SULF2: variants seen among roughly 807,000 people sequenced by gnomAD.
The protein encoded by SULF2 is sulfatase 2, also known as extracellular sulfatase Sulf-2.
Under a neutral mutation model 107.7 loss-of-function variants are expected in SULF2, and 52 were observed. The observed-to-expected ratio is 0.48, with a 90% CI of 0.39 to 0.61. SULF2 has a LOEUF of 0.61. Ranked by LOEUF, SULF2 falls within the 20% of genes least tolerant of loss-of-function variation. The pLI is 0.00. For missense variants in SULF2, 993 were observed against 1,177.3 expected (o/e 0.84, Z 2.29); for synonymous variants, 460 against 464.3 (o/e 0.99, Z 0.12).
chr20:47,731,195 T>TTTTTTTTTTTTATTTTTTA (rs1568871883), intron 3 of SULF2, among the ~76,000 whole-genome samples: 1 of 103,172 alleles, frequency 9.7e-6, no homozygotes, highest in African/African-American at 3.7e-5. Flanking sequence ...CTCTTTTTTT[T>TTTTTTTTTTTTATTTTTTA]TTTTTTTTTT....
intron 9 of SULF2, 179 bp from the exon 10 acceptor site, chr20:47,676,802 A>C: frequency 1.4e-6 from 1 of 738,374 alleles, no homozygotes; most frequent in Non-Finnish European, 2.2e-6. Flanking sequence ...TTGGAATTTT[A>C]TAAGAAACTT....
chr20:47,716,971 C>CTGCA (rs1410322134), intron 3 of SULF2, among the ~76,000 whole-genome samples: 54 of 152,264 alleles, frequency 3.5e-4, no homozygotes, highest in African/African-American at 1.3e-3. Context: ...GATTGTGCCA[C>CTGCA]TGCACTTCAG....
chr20:47,742,588 T>C (rs537443705), intron 2 of SULF2, among the ~76,000 whole-genome samples: 2 of 152,280 alleles, frequency 1.3e-5, no homozygotes, highest in African/African-American at 4.8e-5. Flanking sequence ...TGCCTCCCCA[T>C]TCACGGTGGC....
intron 1 of SULF2, among the ~76,000 whole-genome samples, chr20:47,770,032 C>T (rs1008146849): frequency 3.9e-5 from 5 of 129,042 alleles, no homozygotes; most frequent in East Asian, 2.4e-4. Flanking sequence ...TTCTAGCTTG[C>T]GGGTGATGTG....
intron 2 of SULF2, among the ~76,000 whole-genome samples, chr20:47,747,642 A>G (rs2090073174): frequency 6.6e-6 from 1 of 152,030 alleles, no homozygotes; most frequent in Non-Finnish European, 1.5e-5. Context: ...TGTTTTCCCC[A>G]CTTTTCAGAA....
intron 1 of SULF2, among the ~76,000 whole-genome samples, chr20:47,783,273 G>T (rs1029853770): frequency 1.2e-4 from 19 of 152,166 alleles, no homozygotes; most frequent in African/African-American, 4.1e-4. Context: ...AGGGCTTCTG[G>T]ACTCCTTCTG....
At position 47,684,447 on chromosome 20, in the gene SULF2, TCCA is replaced by T; in HGVS notation, c.869_871del (p.Val290del). The T allele has an allele frequency of 6.2e-7, 1 of 1,611,856 alleles. No individual in the cohort carries two copies. Among genetic ancestry groups the T allele is most frequent in the Non-Finnish European group, 8.5e-7 (1 of 1,179,042 alleles). The stretch of plus-strand genomic sequence containing the variant: ...GGCGCCTACCGTCTCCATGGAGTCG[TCCA>T]CCGACATGAGGGTCTGCAAGCGCTT... On this transcript the variant is annotated inframe_deletion, in exon 6 of 21. Transcript: ENST00000688720.
intron 4 of SULF2, among the ~76,000 whole-genome samples, chr20:47,697,405 C>A (rs1008456532): frequency 2.0e-5 from 3 of 152,224 alleles, no homozygotes; most frequent in African/African-American, 7.2e-5. Context: ...GGCCTCCCAA[C>A]AAGGCCCGCC....
intron 2 of SULF2, among the ~76,000 whole-genome samples, chr20:47,739,014 G>A (rs774839662): frequency 1.3e-5 from 2 of 152,190 alleles, no homozygotes; most frequent in African/African-American, 2.4e-5. Context: ...AGAGACTGGA[G>A]GGATGCACAT....
chr20:47,770,648 C>G (rs1013975191), intron 1 of SULF2, among the ~76,000 whole-genome samples: 1 of 152,158 alleles, frequency 6.6e-6, no homozygotes, highest in Non-Finnish European at 1.5e-5. Context: ...CAGGAACTTG[C>G]GCAGGACATG....
Position 47,663,442 on chromosome 20 carries a change from G to A in SULF2, c.2227+11C>T, listed in dbSNP as rs920197521. 1 of 1,606,234 alleles carries A rather than the reference G, an allele frequency of 6.2e-7. No homozygotes were observed. The highest frequency in any genetic ancestry group is 1.3e-5 in the African/African-American group (1 of 74,888). ...CCTCAGCCTGTCCACCCCTGCCCTG[G>A]GCTTGCTCACGTGTCCAGAAAGGCG... is the stretch of plus-strand genomic sequence containing the variant. On this transcript the variant is annotated intron_variant, in intron 16 of 20. Transcript: ENST00000688720.
chr20:47,692,178 A>G (rs2088218900), intron 4 of SULF2, among the ~76,000 whole-genome samples: 1 of 152,232 alleles, frequency 6.6e-6, no homozygotes, highest in South Asian at 2.1e-4. Flanking sequence ...TTACTTTCAA[A>G]AAGTGATTAT....
At chr20:47,736,454 T>C (rs987775619) in intron 3 of SULF2, among the ~76,000 whole-genome samples, 7 of 152,250 alleles carry the variant, frequency 4.6e-5, no homozygotes, top group Non-Finnish European at 1.0e-4. Flanking sequence ...ATTCATAGTT[T>C]GAAAAGACTC....
Position 47,785,210 on chromosome 20 carries a change from G to A in SULF2, c.-101+133C>T, listed in dbSNP as rs1425946947. ...GCAGCGCTGGGGCTGGAGCCGGGCG[G>A]TCCGGACCAGCCCCGGCTCACCTGG... is the stretch of plus-strand genomic sequence containing the variant. On this transcript the variant is annotated intron_variant, in intron 1 of 20. Transcript: ENST00000688720. 3 of 148,880 alleles carry A rather than the reference G, an allele frequency of 2.0e-5. No homozygotes were observed. The East Asian group carries it at 6.1e-4, about 30-fold the overall frequency. The allele number at this position is 148,880 out of a possible 1,614,324, so 9.2% of individuals were successfully genotyped here.
At chr20:47,659,327 AAATAG>A (rs1440807957) in intron 20 of SULF2, 67 bp downstream of exon 20, 1 of 1,385,938 alleles carries the variant, frequency 7.2e-7, no homozygotes, top group East Asian at 2.3e-5. Flanking sequence ...AATGGCATGC[AAATAG>A]AATAGCATTG....
chr20:47,716,424 G>A (rs1379964653), intron 3 of SULF2, among the ~76,000 whole-genome samples: 1 of 152,140 alleles, frequency 6.6e-6, no homozygotes, highest in Admixed American at 6.5e-5. Context: ...AGAACTGCTT[G>A]AACCCAGGAG....
At chr20:47,779,352 C>T (rs1039452826) in intron 1 of SULF2, among the ~76,000 whole-genome samples, 13 of 152,136 alleles carry the variant, frequency 8.5e-5, no homozygotes, top group African/African-American at 3.1e-4. Flanking sequence ...AAGCCCTTTC[C>T]CTCACTCTGT....
chr20:47,748,417 T>C (rs899083294), intron 2 of SULF2, among the ~76,000 whole-genome samples: 2 of 152,240 alleles, frequency 1.3e-5, no homozygotes, highest in Non-Finnish European at 2.9e-5. Context: ...TTGCTCCTGA[T>C]CTCTGGTGTT....
intron 2 of SULF2, among the ~76,000 whole-genome samples, 158 bp downstream of exon 2, chr20:47,757,030 GT>G (rs1360196372): frequency 6.6e-6 from 1 of 152,218 alleles, no homozygotes; most frequent in African/African-American, 2.4e-5. Context: ...GGACCCAGTT[GT>G]GACCCCAAAC....
Sources: gnomAD v4.1 joint callset for allele counts (sites outside exome capture counted in the v4.1 genomes callset) on GRCh38, gnomAD v4.1.1 for gene constraint, MANE v1.5 for transcripts, NCBI Gene and HGNC (gene_info 2026-07-23, HGNC 2026-07-21) for gene names.